DCAF1: variants seen among roughly 807,000 people sequenced by gnomAD.
The protein encoded by DCAF1 is DDB1 and CUL4 associated factor 1, also known as DDB1- and CUL4-associated factor 1.
In DCAF1, 15 loss-of-function variants were observed where a neutral mutation model predicts 128.0. The ratio of observed to expected loss-of-function variants is 0.12; its 90% CI spans 0.08 to 0.18. The LOEUF (loss-of-function observed/expected upper bound fraction) is 0.18. Among genes scored for constraint, DCAF1 ranks in the 10% least tolerant of loss-of-function variants. DCAF1 has a pLI of 1.00. For synonymous variants in DCAF1, 610 were observed against 603.0 expected, an observed-to-expected ratio of 1.01 and a Z score of -0.17; for missense variants, 988 against 1,649.5, an observed-to-expected ratio of 0.60 and a Z score of 6.95.
In DCAF1 at chr3:51,422,372, A is replaced by AT; in HGVS notation, c.1906dup (p.Ile636AsnfsTer14). ...CACTGATTCTGCCAACTGGAGCTGGATTTTTGGCACCACAGTAAGAATAGC... is the reference window on the plus strand; with the variant it reads ...CACTGATTCTGCCAACTGGAGCTGGATTTTTTGGCACCACAGTAAGAATAGC... On this transcript the variant is annotated frameshift_variant, in exon 14 of 25. Transcript: ENST00000684031. LOFTEE classifies it high-confidence loss of function. The AT allele has an allele frequency of 1.3e-6, 1 of 752,528 alleles. No homozygotes were observed. Among genetic ancestry groups the AT allele is most frequent in the Non-Finnish European group, 2.5e-6 (1 of 403,750 alleles). 46.6% of individuals were successfully genotyped at this position (752,528 alleles called of 1,614,324 possible).
At chr3:51,469,233 T>A (rs1385604740) in intron 4 of DCAF1, among the ~76,000 whole-genome samples, 2 of 148,566 alleles carry the variant, frequency 1.3e-5, no homozygotes, top group African/African-American at 5.0e-5. Context: ...TTTTTTTTTT[T>A]TTTTTTTTTT....
At chr3:51,479,554 C>T (rs1173943185) in intron 3 of DCAF1, among the ~76,000 whole-genome samples, 2 of 151,776 alleles carry the variant, frequency 1.3e-5, no homozygotes, top group African/African-American at 2.4e-5. Flanking sequence ...TTTGGGAGGC[C>T]GAGGTGGGCA....
chr3:51,403,360 T>TTCA lies in DCAF1; in HGVS notation c.4245_4247dup (p.Asp1415dup), dbSNP rs1479642367. 6.4e-7 allele frequency: 1 copy of TTCA among 1,553,558 alleles called. No homozygotes were observed. Among genetic ancestry groups the TTCA allele is most frequent in the Non-Finnish European group, 8.7e-7 (1 of 1,147,852 alleles). On this transcript the variant is annotated inframe_insertion, in exon 24 of 25. Transcript: ENST00000684031. Reference sequence around the variant, plus strand: ...CTAAATCATCGGTGTCATCATCATCTTCATCATCATCTTCTTCCTCCTGTT... The same window carrying TTCA: ...CTAAATCATCGGTGTCATCATCATCTTCATCATCATCATCTTCTTCCTCCTGTT...
At chr3:51,485,234 A>G (rs1472544107) in intron 2 of DCAF1, among the ~76,000 whole-genome samples, 6 of 152,172 alleles carry the variant, frequency 3.9e-5, no homozygotes, top group Non-Finnish European at 7.4e-5. Flanking sequence ...CTTAAAGAGA[A>G]GGCCAAGAAA....
intron 23 of DCAF1, among the ~76,000 whole-genome samples, chr3:51,405,027 C>T (rs2090004445): frequency 1.3e-5 from 2 of 152,166 alleles, no homozygotes. Flanking sequence ...ACAACTTTTG[C>T]CTCTTTTTCC....
At chr3:51,499,808 C>G (rs1172782614) in intron 1 of DCAF1, 65 bp downstream of exon 1, 1 of 151,602 alleles carries the variant, frequency 6.6e-6, no homozygotes, top group African/African-American at 2.4e-5. Context: ...TGCCGCCCGG[C>G]CAGCCGCGCG....
intron 12 of DCAF1, among the ~76,000 whole-genome samples, 183 bp from the exon 13 acceptor site, chr3:51,427,724 C>T (rs1700023898): frequency 6.6e-6 from 1 of 152,144 alleles, no homozygotes; most frequent in African/African-American, 2.4e-5. Flanking sequence ...CCTCAATCTC[C>T]CAGGCTCAAG....
intron 10 of DCAF1, among the ~76,000 whole-genome samples, chr3:51,431,797 CAA>C (rs57712570): frequency 3.0e-5 from 4 of 134,860 alleles, no homozygotes; most frequent in Admixed American, 1.5e-4. Context: ...ACAAAAAGTA[CAA>C]AAAAAAAAAA....
At chr3:51,448,090 T>A (rs1553640705) in intron 6 of DCAF1, among the ~76,000 whole-genome samples, 1 of 152,218 alleles carries the variant, frequency 6.6e-6, no homozygotes, top group East Asian at 1.9e-4. Flanking sequence ...GCTTTTAAGA[T>A]CTTCTCTTTG....
chr3:51,414,475 T>A, intron 19 of DCAF1, 149 bp downstream of exon 19: 4 of 1,196,214 alleles, frequency 3.3e-6, no homozygotes, highest in Non-Finnish European at 3.4e-6. Context: ...GCTTTGGAGA[T>A]TTCACTAACA....
At chr3:51,461,589 G>A (rs1281315433) in intron 6 of DCAF1, among the ~76,000 whole-genome samples, 11 of 152,104 alleles carry the variant, frequency 7.2e-5, no homozygotes, top group Admixed American at 1.3e-4. Flanking sequence ...TATAAATCAT[G>A]CTGCTATAAA....
rs782199728 is a variant in DCAF1 at position 51,422,365 on chromosome 3, G to A, written c.1914C>T (p.Leu638=). 30 of 756,748 alleles carry A rather than the reference G, an allele frequency of 4.0e-5. No homozygotes were observed. In the East Asian group the frequency reaches 7.2e-4, roughly 18 times the overall value. 46.9% of individuals were successfully genotyped at this position (756,748 alleles called of 1,614,324 possible). A position where few individuals can be genotyped will look rare whatever the true frequency, so the allele number is the denominator to read the frequency against. The part of the protein sequence containing the change: ...AILTVVPKIQ[L]QLAESVDVLD... Reference sequence around the variant, plus strand: ...ACACGTCCACTGATTCTGCCAACTGGAGCTGGATTTTTGGCACCACAGTAA... The same window carrying A: ...ACACGTCCACTGATTCTGCCAACTGAAGCTGGATTTTTGGCACCACAGTAA... The change falls in exon 14 of 25, where the codon CTC becomes CTT. Residue 638 remains leucine, a synonymous_variant. Transcript: ENST00000684031.
At chr3:51,416,372 T>C (rs1698880824) in intron 18 of DCAF1, among the ~76,000 whole-genome samples, 1 of 152,118 alleles carries the variant, frequency 6.6e-6, no homozygotes, top group Admixed American at 6.6e-5. Context: ...AGTGATGCTG[T>C]CTACCCTAGA....
intron 3 of DCAF1, among the ~76,000 whole-genome samples, chr3:51,471,374 G>A (rs1330621931): frequency 1.3e-5 from 2 of 151,510 alleles, no homozygotes; most frequent in South Asian, 2.1e-4. Flanking sequence ...TAGTAGAGAC[G>A]GGGTTTCACC....
intron 1 of DCAF1, among the ~76,000 whole-genome samples, chr3:51,497,022 C>G (rs943093308): frequency 4.6e-5 from 7 of 152,190 alleles, no homozygotes; most frequent in African/African-American, 1.7e-4. Context: ...TTGCCAGGCA[C>G]TATGGCTCAT....
rs184615245 is a variant in DCAF1, at chr3:51,487,984, C to A, written c.-8-4148G>T. Among the ~76,000 whole-genome samples, 14 of 152,178 alleles carry A rather than the reference C, an allele frequency of 9.2e-5. 1 individual carries two copies. Among genetic ancestry groups the A allele is most frequent in the South Asian group, 6.2e-4 (3 of 4,822 alleles). On this transcript the variant is annotated intron_variant, in intron 2 of 24. Coordinates refer to ENST00000684031, the MANE Select transcript of DCAF1 (RefSeq NM_001387579.1). ...GGTTCAAGCGATTCTCCTGCCTCAG[C>A]TTCCCGAATAGCTGGGGCTACAGGC...
chr3:51,484,032 G>A (rs1706605761), intron 2 of DCAF1, among the ~76,000 whole-genome samples, 196 bp from the exon 3 acceptor site: 1 of 152,184 alleles, frequency 6.6e-6, no homozygotes, highest in East Asian at 1.9e-4. Flanking sequence ...TACCCATTCA[G>A]TAGTGATGAA....
At chr3:51,462,991 T>G in intron 6 of DCAF1, 123 bp downstream of exon 6, 6 of 463,028 alleles carry the variant, frequency 1.3e-5, no homozygotes, top group Non-Finnish European at 1.4e-5. Flanking sequence ...TCTTAGATTT[T>G]TATAACATAT....
rs782013479 is a variant in DCAF1 at position 51,430,083 on chromosome 3, C to T, written c.1417G>A (p.Val473Ile). Reference protein sequence around the residue: ...FFSICFSFRAVLELFDRYDGL... With the variant: ...FFSICFSFRAILELFDRYDGL... ...TCATAGCGGTCAAAGAGCTCCAAGA[C>T]GGCCCGAAATGAGAAGCAAATTGAA... The change falls in exon 11 of 25, where the codon GTC becomes ATC. Residue 473 changes from valine to isoleucine, a missense_variant. Physicochemically the swap from Val to Ile is conservative, Grantham distance 29. Around this residue, in one of 11 missense-constraint regions of DCAF1, gnomAD observed 185 missense variants for 248.1 expected, o/e 0.75. Coordinates refer to ENST00000684031, the MANE Select transcript of DCAF1 (RefSeq NM_001387579.1). The T allele has an allele frequency of 7.3e-5, 57 of 780,618 alleles. No homozygotes were observed. The highest frequency in any genetic ancestry group is 1.1e-4 in the Non-Finnish European group (46 of 417,964). 48.4% of individuals were successfully genotyped at this position (780,618 alleles called of 1,614,324 possible). A position where few individuals can be genotyped will look rare whatever the true frequency, so the allele number is the denominator to read the frequency against.
Sources: gnomAD v4.1 joint callset for allele counts (sites outside exome capture counted in the v4.1 genomes callset) on GRCh38, gnomAD v4.1.1 for gene constraint, gnomAD v4.1.1 regional missense constraint, MANE v1.5 for transcripts, NCBI Gene and HGNC (gene_info 2026-07-23, HGNC 2026-07-21) for gene names.